The following LDHC variants were observed in gnomAD, a reference collection of about 807,000 sequenced individuals.
LDHC encodes lactate dehydrogenase C.
Under a neutral mutation model 30.2 loss-of-function variants are expected in LDHC, and 20 were observed. That is an observed-to-expected ratio of 0.66 (90% CI 0.47 to 0.96). The LOEUF is 0.96. Among genes scored for constraint, LDHC ranks in the 40% least tolerant of loss-of-function variants. The pLI, the probability that LDHC is intolerant of heterozygous loss-of-function variation, is 0.00. For missense variants in LDHC, 362 were observed against 394.9 expected (o/e 0.92, Z 0.71); for synonymous variants, 139 against 132.7 (o/e 1.05, Z -0.32).
intron 5 of LDHC, among the ~76,000 whole-genome samples, chr11:18,438,177 A>C (rs1020987894): frequency 6.6e-6 from 1 of 152,212 alleles, no homozygotes; most frequent in African/African-American, 2.4e-5. Flanking sequence ...GACCTCAGGA[A>C]GCTTGCAATC....
intron 4 of LDHC, among the ~76,000 whole-genome samples, chr11:18,431,758 C>T (rs1399871050): frequency 6.6e-6 from 1 of 152,052 alleles, no homozygotes; most frequent in African/African-American, 2.4e-5. Flanking sequence ...ACCATGTTGG[C>T]CAGGCTGGTC....
chr11:18,420,095 AACAACAAC>A (rs1565047449), intron 3 of LDHC, among the ~76,000 whole-genome samples: 1,756 of 151,718 alleles, frequency 0.012, 36 homozygotes, highest in African/African-American at 0.041. Flanking sequence ...TCCGTCTTAG[AACAACAAC>A]AACAACAACA....
rs1173633069 is a variant in LDHC, at chr11:18,438,642, A to G, written c.707A>G (p.Gln236Arg). ...HWKNIHKQVI[Q>R]SAYEIIKLKG... ...AAAAATATCCATAAACAAGTTATTC[A>G]AAGGTAATAGTACCTATTCAGTTTC... Residue 236 changes from glutamine to arginine, a missense_variant, in exon 6 of 8, where the codon CAA (glutamine) becomes CGA (arginine). By Grantham distance (43) the Gln-to-Arg change is conservative (BLOSUM62 1). Coordinates refer to ENST00000541669, the MANE Select transcript of LDHC (RefSeq NM_017448.5). 2 of 1,519,330 alleles carry G rather than the reference A, an allele frequency of 1.3e-6. No individual in the cohort carries two copies. Among genetic ancestry groups the G allele is most frequent in the African/African-American group, 2.7e-5 (2 of 73,078 alleles). The allele number at this position is 1,519,330 out of a possible 1,614,324, so 94.1% of individuals were successfully genotyped here.
At chr11:18,415,506 A>T (rs1370453964) in intron 3 of LDHC, among the ~76,000 whole-genome samples, 1 of 152,098 alleles carries the variant, frequency 6.6e-6, no homozygotes, top group Non-Finnish European at 1.5e-5. Flanking sequence ...ATCTTGGCTC[A>T]CTGCAACCTC....
intron 3 of LDHC, among the ~76,000 whole-genome samples, chr11:18,421,642 C>T (rs993056151): frequency 2.0e-5 from 3 of 151,870 alleles, no homozygotes; most frequent in South Asian, 2.1e-4. Context: ...CATTACACTC[C>T]AGCCTGGGTG....
At chr11:18,443,053 A>T (rs1848494968) in intron 6 of LDHC, among the ~76,000 whole-genome samples, 2 of 152,222 alleles carry the variant, frequency 1.3e-5, no homozygotes, top group Admixed American at 1.3e-4. Context: ...TTTGAAAATC[A>T]TTATTGGTAT....
At chr11:18,419,322 A>C (rs1288907546) in intron 3 of LDHC, among the ~76,000 whole-genome samples, 1 of 152,242 alleles carries the variant, frequency 6.6e-6, no homozygotes, top group African/African-American at 2.4e-5. Flanking sequence ...ACAGTAGTTT[A>C]CCATTGCCAG....
chr11:18,439,435 C>A (rs2643857), intron 6 of LDHC, among the ~76,000 whole-genome samples: 1 of 151,072 alleles, frequency 6.6e-6, no homozygotes, highest in Non-Finnish European at 1.5e-5. Flanking sequence ...TGGTGATGGG[C>A]GCCTGTAATC....
chr11:18,423,603 A>G (rs963172673), intron 3 of LDHC, among the ~76,000 whole-genome samples: 5 of 152,204 alleles, frequency 3.3e-5, no homozygotes, highest in African/African-American at 1.2e-4. Flanking sequence ...TGAAAAGCAA[A>G]ACTTCAAAAT....
chr11:18,438,462 C>T, intron 5 of LDHC, 66 bp from the exon 6 acceptor site: 1 of 1,017,948 alleles, frequency 9.8e-7, no homozygotes, highest in Non-Finnish European at 1.5e-6. Context: ...AAAAAAACAA[C>T]ACTGAACTCA....
At chr11:18,449,384 A>C (rs994312154) in intron 7 of LDHC, among the ~76,000 whole-genome samples, 1 of 134,272 alleles carries the variant, frequency 7.4e-6, no homozygotes, top group African/African-American at 2.8e-5. Context: ...CTATGACTGC[A>C]CCACTGCACT....
In LDHC at chr11:18,439,836, A is replaced by ACAAAAAAC. The variant is rs1554964785; in HGVS notation, c.710+1197_710+1198insACCAAAAA. Among the ~76,000 whole-genome samples, 291 of 137,382 alleles carry ACAAAAAAC rather than the reference A, an allele frequency of 2.1e-3. 5 individuals are homozygous for ACAAAAAAC. The highest frequency in any genetic ancestry group is 4.3e-3 in the South Asian group (19 of 4,396). 90.1% of individuals were successfully genotyped at this position (137,382 alleles called of 152,430 possible). On this transcript the variant is annotated intron_variant, in intron 6 of 7. Transcript: ENST00000541669. ...TAAAAAAAAAAAAAAAAAAAAAAAA[A>ACAAAAAAC]CAAAAATTAGCCAGCTGTGGTTGTG...
chr11:18,422,110 G>A (rs1386219153), intron 3 of LDHC, among the ~76,000 whole-genome samples: 3 of 151,934 alleles, frequency 2.0e-5, no homozygotes, highest in African/African-American at 7.3e-5. Context: ...AAGCGATGGA[G>A]CAAGACTGAT....
At chr11:18,421,161 C>T (rs1372820092) in intron 3 of LDHC, among the ~76,000 whole-genome samples, 1 of 152,098 alleles carries the variant, frequency 6.6e-6, no homozygotes, top group Non-Finnish European at 1.5e-5. Context: ...TCAAGTGATT[C>T]TCCTGCCTCA....
Position 18,446,336 on chromosome 11 carries a change from A to G in LDHC, c.834+3A>G, listed in dbSNP as rs1483779025. The G allele has an allele frequency of 2.5e-6, 4 of 1,598,196 alleles. No homozygotes were observed. The highest frequency in any genetic ancestry group is 1.7e-5 in the Admixed American group (1 of 59,884). On this transcript the variant is annotated splice_donor_region_variant and intron_variant, in intron 7 of 7. Coordinates refer to ENST00000541669, the MANE Select transcript of LDHC (RefSeq NM_017448.5). ...ACCCAGTTTCCACCATGGTTAAGGT[A>G]GGCTTAAATTAAATCTTCATTTATC...
chr11:18,419,045 G>C (rs544442297), intron 3 of LDHC, among the ~76,000 whole-genome samples: 1 of 152,204 alleles, frequency 6.6e-6, no homozygotes, highest in Non-Finnish European at 1.5e-5. Context: ...GGAGACCAGA[G>C]ACAGAGCTTG....
intron 6 of LDHC, 150 bp from the exon 7 acceptor site, chr11:18,446,060 T>A (rs1468905220): frequency 3.3e-6 from 2 of 611,920 alleles, no homozygotes; most frequent in Non-Finnish European, 5.6e-6. Flanking sequence ...TTTTGTTGCC[T>A]GTTTATAAAT....
At chr11:18,426,789 T>G (rs1031090573) in intron 3 of LDHC, among the ~76,000 whole-genome samples, 8 of 152,202 alleles carry the variant, frequency 5.3e-5, no homozygotes, top group Non-Finnish European at 1.2e-4. Flanking sequence ...ATGTCTTATT[T>G]TTATGTCAGA....
chr11:18,412,990 C>T (rs1866924348), intron 2 of LDHC, 147 bp downstream of exon 2: 2 of 292,800 alleles, frequency 6.8e-6, no homozygotes, highest in Non-Finnish European at 1.2e-5. Context: ...TCCCTCCCTT[C>T]CTTCCTTCCT....
Sources: allele counts gnomAD v4.1 joint callset (sites outside exome capture counted in the v4.1 genomes callset), GRCh38; gene constraint gnomAD v4.1.1; transcripts MANE v1.5; gene names NCBI Gene and HGNC (gene_info 2026-07-23, HGNC 2026-07-21).